The following CSMD1 variants were observed in gnomAD, a reference collection of about 807,000 sequenced individuals.
CSMD1 encodes the protein CUB and sushi domain-containing protein 1.
In CSMD1, 213 loss-of-function variants were observed where a neutral mutation model predicts 417.5. The ratio of observed to expected loss-of-function variants is 0.51; its 90% confidence interval spans 0.46 to 0.57. CSMD1 has a LOEUF of 0.57. Among genes scored for constraint, CSMD1 ranks in the 20% least tolerant of loss-of-function variants. CSMD1 has a pLI of 0.00. For synonymous variants in CSMD1, 2,862 were observed against 1,736.8 expected (o/e 1.65, Z -16.11); for missense variants, 6,923 against 4,529.7 (o/e 1.53, Z -15.17).
At chr8:4,623,930 G>C (rs866367200) in intron 2 of CSMD1, among the ~76,000 whole-genome samples, 1 of 152,006 alleles carries the variant, frequency 6.6e-6, no homozygotes. Context: ...GGTGTTCCAC[G>C]GTTGTATATA....
chr8:4,646,798 GCTCT>G (rs1803545722), intron 1 of CSMD1, among the ~76,000 whole-genome samples: 1 of 152,266 alleles, frequency 6.6e-6, no homozygotes, highest in African/African-American at 2.4e-5. Flanking sequence ...GCTAATACAA[GCTCT>G]CTAAGAGGAC....
At chr8:3,785,047 C>T (rs1358715978) in intron 5 of CSMD1, among the ~76,000 whole-genome samples, 2 of 152,300 alleles carry the variant, frequency 1.3e-5, no homozygotes, top group South Asian at 2.1e-4. Context: ...GATAGAAAAA[C>T]TGCCCATCTC....
intron 5 of CSMD1, among the ~76,000 whole-genome samples, chr8:3,782,285 C>T (rs1039647085): frequency 1.3e-5 from 2 of 152,144 alleles, no homozygotes; most frequent in African/African-American, 2.4e-5. Flanking sequence ...CATTGACTTG[C>T]TTATATATTT....
intron 3 of CSMD1, among the ~76,000 whole-genome samples, chr8:4,369,332 A>G (rs528401494): frequency 6.6e-6 from 1 of 151,834 alleles, no homozygotes; most frequent in Non-Finnish European, 1.5e-5. Flanking sequence ...ATTTTTTTTT[A>G]AATTTATTGA....
At chr8:3,963,498 T>A (rs1812465268) in intron 5 of CSMD1, among the ~76,000 whole-genome samples, 1 of 152,282 alleles carries the variant, frequency 6.6e-6, no homozygotes, top group Non-Finnish European at 1.5e-5. Flanking sequence ...TAGAAGTACC[T>A]GGGGTGTACA....
intron 15 of CSMD1, among the ~76,000 whole-genome samples, chr8:3,400,312 C>A (rs1296320531): frequency 6.6e-6 from 1 of 152,112 alleles, no homozygotes; most frequent in Non-Finnish European, 1.5e-5. Flanking sequence ...CATTAGCAAT[C>A]ATCTTTGTGG....
chr8:3,687,192 C>T (rs1799985185), intron 7 of CSMD1, among the ~76,000 whole-genome samples: 1 of 152,246 alleles, frequency 6.6e-6, no homozygotes, highest in South Asian at 2.1e-4. Context: ...CATAGGAAGG[C>T]AACCTTCCAT....
chr8:4,363,938 A>T (rs189949113), intron 3 of CSMD1, among the ~76,000 whole-genome samples: 1 of 152,194 alleles, frequency 6.6e-6, no homozygotes. Context: ...AAAATGGTTA[A>T]CAAGTACAAA....
chr8:4,283,998 C>T (rs778553974), intron 3 of CSMD1, among the ~76,000 whole-genome samples: 5 of 151,908 alleles, frequency 3.3e-5, no homozygotes, highest in Non-Finnish European at 4.4e-5. Context: ...TTTGGGAGGC[C>T]GAGGAAGGTG....
chr8:4,527,124 G>A (rs182835083), intron 2 of CSMD1, among the ~76,000 whole-genome samples: 1 of 152,104 alleles, frequency 6.6e-6, no homozygotes, highest in East Asian at 1.9e-4. Context: ...TTTTACTTAA[G>A]ATATTTTTCA....
chr8:2,979,339 G>C (rs1261865116), intron 54 of CSMD1, among the ~76,000 whole-genome samples: 6 of 152,336 alleles, frequency 3.9e-5, no homozygotes, highest in African/African-American at 1.4e-4. Context: ...GCCAGCCTCT[G>C]ACTTAGGCCT....
chr8:4,810,248 T>C (rs1798817955), intron 1 of CSMD1, among the ~76,000 whole-genome samples: 1 of 152,212 alleles, frequency 6.6e-6, no homozygotes, highest in South Asian at 2.1e-4. Flanking sequence ...GATTTTTCAT[T>C]TATGTGAAAT....
intron 26 of CSMD1, among the ~76,000 whole-genome samples, chr8:3,283,788 A>G (rs1349836334): frequency 6.6e-6 from 1 of 152,182 alleles, no homozygotes; most frequent in African/African-American, 2.4e-5. Context: ...TCACCACTAA[A>G]TTCTATCTTT....
chr8:3,229,800 G>T (rs1225482080), intron 27 of CSMD1, among the ~76,000 whole-genome samples: 2 of 152,064 alleles, frequency 1.3e-5, no homozygotes, highest in East Asian at 3.9e-4. Context: ...ATTTGTTAAG[G>T]GTAGGAAATA....
intron 3 of CSMD1, among the ~76,000 whole-genome samples, chr8:4,344,926 G>A (rs1188077601): frequency 1.3e-5 from 2 of 152,118 alleles, no homozygotes; most frequent in Non-Finnish European, 2.9e-5. Context: ...ACAGGTTGTG[G>A]TCAGCTGGTC....
chr8:3,445,426 C>A (rs1382193461), intron 12 of CSMD1, among the ~76,000 whole-genome samples: 1 of 152,122 alleles, frequency 6.6e-6, no homozygotes, highest in Middle Eastern at 3.2e-3. Flanking sequence ...GCAGATAGTT[C>A]TCAGAAAGAG....
At chr8:4,162,948 T>A (rs966365185) in intron 3 of CSMD1, among the ~76,000 whole-genome samples, 1 of 152,208 alleles carries the variant, frequency 6.6e-6, no homozygotes, top group African/African-American at 2.4e-5. Flanking sequence ...TCTCTACAGT[T>A]CTGCCTTTTC....
intron 3 of CSMD1, among the ~76,000 whole-genome samples, chr8:4,156,938 T>A (rs1291305074): frequency 6.6e-6 from 1 of 152,152 alleles, no homozygotes; most frequent in Non-Finnish European, 1.5e-5. Context: ...TTACGAAACT[T>A]TATCTATCCA....
At chr8:4,888,105 A>T (rs1803872506) in intron 1 of CSMD1, among the ~76,000 whole-genome samples, 1 of 152,068 alleles carries the variant, frequency 6.6e-6, no homozygotes, top group Admixed American at 6.5e-5. Flanking sequence ...GTACACTCTT[A>T]ATTATAAAAT....
Sources: allele counts gnomAD v4.1 joint callset (sites outside exome capture counted in the v4.1 genomes callset), GRCh38; gene constraint gnomAD v4.1.1; transcripts MANE v1.5; gene names NCBI Gene and HGNC (gene_info 2026-07-23, HGNC 2026-07-21).